SHOC2: variants seen among roughly 807,000 people sequenced by gnomAD.
The protein encoded by SHOC2 is leucine-rich repeat protein SHOC-2.
SHOC2 carries 4 observed loss-of-function variants against 50.2 expected under a neutral mutation model. The ratio of observed to expected loss-of-function variants is 0.08; its 90% CI spans 0.04 to 0.18. SHOC2 has a LOEUF of 0.18. Among genes scored for constraint, SHOC2 ranks in the 10% least tolerant of loss-of-function variants. SHOC2 has a pLI of 1.00. For missense variants in SHOC2, 388 were observed against 669.6 expected (o/e 0.58, Z 4.64); for synonymous variants, 218 against 244.5 (o/e 0.89, Z 1.01).
chr10:111,000,640 G>T, intron 4 of SHOC2, 95 bp downstream of exon 4: 1 of 1,134,552 alleles, frequency 8.8e-7, no homozygotes, highest in Non-Finnish European at 1.3e-6. Context: ...AAATAATTTG[G>T]TGATTGAGAT....
At chr10:110,983,629 G>A (rs566851050) in intron 2 of SHOC2, among the ~76,000 whole-genome samples, 8 of 152,086 alleles carry the variant, frequency 5.3e-5, no homozygotes, top group Non-Finnish European at 1.2e-4. Flanking sequence ...GAACATTTTC[G>A]TCATCTGAGA....
At chr10:110,932,883 TTTTATA>T (rs1345822762) in intron 1 of SHOC2, among the ~76,000 whole-genome samples, 1 of 152,182 alleles carries the variant, frequency 6.6e-6, no homozygotes, top group African/African-American at 2.4e-5. Context: ...AAAATATACT[TTTTATA>T]TTTATAAAAA....
At chr10:110,953,931 A>G (rs188225162) in intron 1 of SHOC2, among the ~76,000 whole-genome samples, 15 of 151,058 alleles carry the variant, frequency 9.9e-5, no homozygotes, top group African/African-American at 3.1e-4. Context: ...ATTTAACCTA[A>G]GTGAAGTCAT....
At chr10:110,975,217 G>A (rs543248465) in intron 2 of SHOC2, among the ~76,000 whole-genome samples, 26 of 150,918 alleles carry the variant, frequency 1.7e-4, no homozygotes, top group Non-Finnish European at 2.5e-4. Flanking sequence ...GTGCAGTGGC[G>A]CAGTCTTGGC....
At chr10:110,971,755 C>G (rs576577312) in intron 2 of SHOC2, among the ~76,000 whole-genome samples, 2 of 152,180 alleles carry the variant, frequency 1.3e-5, no homozygotes, top group Non-Finnish European at 2.9e-5. Context: ...AGCTTTTTCA[C>G]CTCCTTAAAT....
intron 1 of SHOC2, among the ~76,000 whole-genome samples, chr10:110,929,052 C>A (rs1320714125): frequency 6.6e-6 from 1 of 152,140 alleles, no homozygotes; most frequent in Non-Finnish European, 1.5e-5. Flanking sequence ...AATATAACAA[C>A]AATGATCCTG....
chr10:111,007,751 G>C, intron 6 of SHOC2, 98 bp downstream of exon 6: 1 of 1,204,144 alleles, frequency 8.3e-7, no homozygotes, highest in Non-Finnish European at 1.2e-6. Context: ...TTGGGTGAAT[G>C]TCATAATTAG....
chr10:111,009,396 T>G lies in SHOC2; in HGVS notation c.1422+11T>G, dbSNP rs1848527569. ...CTTAAGGATTTACAGGTAAACATTA[T>G]GCTGATTTTGTAGTTTTATAAAGTT... On this transcript the variant is annotated intron_variant, in intron 7 of 8. Coordinates refer to ENST00000369452, the MANE Select transcript of SHOC2 (RefSeq NM_007373.4). 3.7e-6 allele frequency: 6 copies of G among 1,601,856 alleles called. No homozygotes were observed. Among genetic ancestry groups the G allele is most frequent in the Non-Finnish European group, 5.1e-6 (6 of 1,169,790 alleles).
At chr10:110,973,158 G>A (rs1847814241) in intron 2 of SHOC2, among the ~76,000 whole-genome samples, 3 of 152,214 alleles carry the variant, frequency 2.0e-5, no homozygotes, top group Admixed American at 6.5e-5. Flanking sequence ...TGTGGGACAA[G>A]TGTTTCCAAC....
In SHOC2 at chr10:111,011,888, T is replaced by A. The variant is rs1848572743; in HGVS notation, c.*70T>A. 1 of 1,219,900 alleles carries A rather than the reference T, an allele frequency of 8.2e-7. No homozygotes were observed. The highest frequency in any genetic ancestry group is 1.2e-6 in the Non-Finnish European group (1 of 827,356). The allele number at this position is 1,219,900 out of a possible 1,614,324, so 75.6% of individuals were successfully genotyped here. A position where few individuals can be genotyped will look rare whatever the true frequency, so the allele number is the denominator to read the frequency against. ...TTAATGTTTCTTATCTATATCTGTA[T>A]CTATTTATGTAGATATTGGTATATG... On this transcript the variant is annotated 3_prime_UTR_variant, in exon 9 of 9. Coordinates refer to ENST00000369452, the MANE Select transcript of SHOC2 (RefSeq NM_007373.4).
chr10:110,924,793 G>A (rs961748788), intron 1 of SHOC2, among the ~76,000 whole-genome samples: 4 of 152,080 alleles, frequency 2.6e-5, no homozygotes, highest in African/African-American at 9.7e-5. Flanking sequence ...CTTAAGGCCG[G>A]GCGTGGTGGC....
chr10:110,972,580 A>T (rs920084946), intron 2 of SHOC2, among the ~76,000 whole-genome samples: 3 of 152,180 alleles, frequency 2.0e-5, no homozygotes, highest in African/African-American at 7.2e-5. Context: ...AGGCAAAAAA[A>T]CAACAACACA....
chr10:111,008,236 G>C (rs1848505629), intron 6 of SHOC2, among the ~76,000 whole-genome samples: 1 of 148,778 alleles, frequency 6.7e-6, no homozygotes, highest in Non-Finnish European at 1.5e-5. Context: ...TTCAGTTAAG[G>C]ATGATTTCTC....
intron 2 of SHOC2, among the ~76,000 whole-genome samples, chr10:110,981,223 A>G (rs1847970362): frequency 1.3e-5 from 2 of 152,232 alleles, no homozygotes; most frequent in South Asian, 4.1e-4. Context: ...ATCACATTAT[A>G]GTCTTTTTAC....
intron 1 of SHOC2, among the ~76,000 whole-genome samples, chr10:110,947,025 G>A (rs1157935247): frequency 6.6e-6 from 1 of 152,178 alleles, no homozygotes; most frequent in Non-Finnish European, 1.5e-5. Flanking sequence ...TGTAGCACCC[G>A]GGTGTAGCAT....
intron 1 of SHOC2, among the ~76,000 whole-genome samples, chr10:110,954,113 A>G (rs890210579): frequency 1.3e-5 from 2 of 151,532 alleles, no homozygotes; most frequent in Admixed American, 1.3e-4. Flanking sequence ...TTTTGTGTAT[A>G]ATTTATTAAT....
At chr10:110,971,876 A>G (rs1391885209) in intron 2 of SHOC2, among the ~76,000 whole-genome samples, 1 of 152,044 alleles carries the variant, frequency 6.6e-6, no homozygotes, top group African/African-American at 2.4e-5. Context: ...ATATTTGATT[A>G]TAAGTCAAAT....
rs556405478 is a variant in SHOC2 at position 110,919,855 on chromosome 10, T to G, written c.-235+198T>G. The G allele has an allele frequency of 3.8e-3, 1,385 of 365,534 alleles. 34 individuals carry two copies. In the East Asian group the frequency reaches 0.05, roughly 13 times the overall value. 22.6% of individuals were successfully genotyped at this position (365,534 alleles called of 1,614,324 possible). A position where few individuals can be genotyped will look rare whatever the true frequency, so the allele number is the denominator to read the frequency against. On this transcript the variant is annotated intron_variant, in intron 1 of 8. Coordinates refer to ENST00000369452, the MANE Select transcript of SHOC2 (RefSeq NM_007373.4). ...CCGCCGCCGCCGCTTTCCTGGTTGC[T>G]GTCTCCGGGAGTGCGGGGCCCTTGG...
intron 3 of SHOC2, among the ~76,000 whole-genome samples, chr10:110,991,218 CAG>C (rs1343683199): frequency 5.3e-5 from 8 of 152,258 alleles, no homozygotes; most frequent in South Asian, 2.1e-4. Flanking sequence ...TCCTGGTAAA[CAG>C]AGAAAGCATA....
Sources: gnomAD v4.1 joint callset for allele counts (sites outside exome capture counted in the v4.1 genomes callset) on GRCh38, gnomAD v4.1.1 for gene constraint, MANE v1.5 for transcripts, NCBI Gene and HGNC (gene_info 2026-07-23, HGNC 2026-07-21) for gene names.